LRP1B: variants seen among roughly 807,000 people sequenced by gnomAD.
The protein encoded by LRP1B is LDL receptor related protein 1B, also known as low-density lipoprotein receptor-related protein 1B.
A neutral mutation model predicts 556.6 loss-of-function variants in LRP1B; 217 were observed. The observed-to-expected ratio is 0.39, with a 90% CI of 0.35 to 0.44. LRP1B has a LOEUF of 0.44. Among genes scored for constraint, LRP1B ranks in the 20% least tolerant of loss-of-function variants. The pLI, the probability that LRP1B is intolerant of heterozygous loss-of-function variation, is 1.00. For synonymous variants in LRP1B, 2,047 were observed against 1,865.8 expected, an observed-to-expected ratio of 1.10 and a Z score of -2.50; for missense variants, 5,053 against 5,620.8, an observed-to-expected ratio of 0.90 and a Z score of 3.23.
Position 140,428,775 on chromosome 2 carries a change from G to A in LRP1B, c.10414+13729C>T, listed in dbSNP as rs557446923. Among the ~76,000 whole-genome samples the A allele has an allele frequency of 2.0e-5, 3 of 152,224 alleles. 1 individual carries two copies. Among genetic ancestry groups the A allele is most frequent in the Middle Eastern group, 6.8e-3 (2 of 294 alleles). On this transcript the variant is annotated intron_variant, in intron 66 of 90. Coordinates refer to ENST00000389484, the MANE Select transcript of LRP1B (RefSeq NM_018557.3). ...GCCTGTTTCCCTTGCCTCCATAACT[G>A]TTGTGCGTATTGACGGCCAGGCTTC...
At chr2:141,850,150 T>A (rs1186622546) in intron 1 of LRP1B, among the ~76,000 whole-genome samples, 1 of 151,790 alleles carries the variant, frequency 6.6e-6, no homozygotes, top group Non-Finnish European at 1.5e-5. Flanking sequence ...TAATTTTTCA[T>A]TATTAAACCC....
intron 6 of LRP1B, among the ~76,000 whole-genome samples, chr2:141,197,494 T>G (rs1389290226): frequency 6.6e-6 from 1 of 152,120 alleles, no homozygotes; most frequent in Non-Finnish European, 1.5e-5. Flanking sequence ...TTCAAAAGCA[T>G]TTTTTACTGT....
chr2:141,810,048 A>T (rs550592613), intron 2 of LRP1B, among the ~76,000 whole-genome samples: 115 of 151,534 alleles, frequency 7.6e-4, no homozygotes, highest in African/African-American at 2.1e-3. Context: ...CTCATATTTA[A>T]AAAAAAACAC....
At chr2:140,995,585 A>G (rs1018317729) in intron 15 of LRP1B, among the ~76,000 whole-genome samples, 4 of 152,032 alleles carry the variant, frequency 2.6e-5, no homozygotes, top group African/African-American at 9.7e-5. Context: ...CATATATGGC[A>G]AAGAATTTTA....
chr2:141,914,806 G>A (rs1478819095), intron 1 of LRP1B, among the ~76,000 whole-genome samples: 5 of 151,936 alleles, frequency 3.3e-5, no homozygotes, highest in South Asian at 2.1e-4. Context: ...AAGTGAAGAT[G>A]TCTACAAGAA....
chr2:140,661,240 A>T (rs1333130043), intron 41 of LRP1B, among the ~76,000 whole-genome samples: 2 of 152,142 alleles, frequency 1.3e-5, no homozygotes, highest in African/African-American at 4.8e-5. Flanking sequence ...CATGATAGGG[A>T]TATAAAATGA....
intron 2 of LRP1B, among the ~76,000 whole-genome samples, chr2:141,596,711 T>A (rs1488859593): frequency 1.3e-5 from 2 of 152,030 alleles, no homozygotes; most frequent in Non-Finnish European, 2.9e-5. Context: ...CTTAAGAGAC[T>A]TCAGTGCAAA....
chr2:140,994,023 G>A lies in LRP1B; in HGVS notation c.2616C>T (p.Asp872=), dbSNP rs13007735. 556,712 of 1,611,336 alleles carry A rather than the reference G, an allele frequency of 0.35. 102,643 individuals carry two copies. The highest frequency in any genetic ancestry group is 0.61 in the East Asian group (27,486 of 44,726). Residue 872 remains aspartate (D), a synonymous_variant, in exon 16 of 91, where the codon GAC becomes GAT. Transcript: ENST00000389484. Reference sequence around the variant, plus strand: ...AGTTTACTGAATCCTCATCGCTTCCGTCTAGGCAGTCATCGTCGCCATCAC... The same window carrying A: ...AGTTTACTGAATCCTCATCGCTTCCATCTAGGCAGTCATCGTCGCCATCAC... ...WKCDGDDDCL[D]GSDEDSVNCF... is the part of the protein sequence containing the mutation.
chr2:140,626,838 AAC>A (rs1380628399), intron 41 of LRP1B, among the ~76,000 whole-genome samples: 4 of 152,086 alleles, frequency 2.6e-5, no homozygotes, highest in Non-Finnish European at 5.9e-5. Context: ...AACTATGAAA[AAC>A]ACAATTTTTA....
At chr2:141,170,555 A>G (rs1292601817) in intron 7 of LRP1B, among the ~76,000 whole-genome samples, 1 of 152,080 alleles carries the variant, frequency 6.6e-6, no homozygotes, top group Non-Finnish European at 1.5e-5. Context: ...TGCCTCTCAA[A>G]TGCCAGTTTA....
chr2:142,026,318 T>A (rs984173979), intron 1 of LRP1B, among the ~76,000 whole-genome samples: 8 of 152,050 alleles, frequency 5.3e-5, no homozygotes, highest in African/African-American at 1.9e-4. Context: ...TCTCAGCTTA[T>A]ATGCATAACG....
chr2:140,419,956 TG>T (rs1248619312), intron 66 of LRP1B, among the ~76,000 whole-genome samples: 1 of 146,250 alleles, frequency 6.8e-6, no homozygotes, highest in Non-Finnish European at 1.5e-5. Context: ...TGCAGTGAGC[TG>T]AGATCATGCC....
chr2:140,793,245 C>T (rs1466556520), intron 32 of LRP1B, among the ~76,000 whole-genome samples: 1 of 151,890 alleles, frequency 6.6e-6, no homozygotes, highest in African/African-American at 2.4e-5. Flanking sequence ...ACTACATTAG[C>T]ATTAATGTTA....
chr2:141,960,102 G>T (rs923748208), intron 1 of LRP1B, among the ~76,000 whole-genome samples: 1 of 151,872 alleles, frequency 6.6e-6, no homozygotes, highest in African/African-American at 2.4e-5. Flanking sequence ...GTGTTGTAGG[G>T]CTTCATAAGA....
At chr2:140,673,496 C>G (rs1440180498) in intron 41 of LRP1B, among the ~76,000 whole-genome samples, 1 of 151,900 alleles carries the variant, frequency 6.6e-6, no homozygotes. Context: ...TTTTTTCCAC[C>G]ATGCTCTTTA....
chr2:141,218,505 C>T (rs966215814), intron 6 of LRP1B, among the ~76,000 whole-genome samples: 3 of 152,112 alleles, frequency 2.0e-5, no homozygotes, highest in Admixed American at 6.5e-5. Context: ...AGCTGGAAGC[C>T]ATTATCCTAA....
chr2:140,256,694 C>T (rs887896417), intron 86 of LRP1B, among the ~76,000 whole-genome samples: 32 of 151,392 alleles, frequency 2.1e-4, no homozygotes, highest in Non-Finnish European at 3.8e-4. Context: ...GTCTCAATCT[C>T]TTGACCTTGT....
intron 2 of LRP1B, among the ~76,000 whole-genome samples, chr2:141,529,163 G>A (rs915532459): frequency 6.6e-6 from 1 of 152,180 alleles, no homozygotes; most frequent in Non-Finnish European, 1.5e-5. Context: ...CCTAAGTACT[G>A]TGATAGAGAC....
At chr2:141,789,186 CT>C (rs1198082641) in intron 2 of LRP1B, among the ~76,000 whole-genome samples, 1 of 151,862 alleles carries the variant, frequency 6.6e-6, no homozygotes, top group African/African-American at 2.4e-5. Flanking sequence ...TAATATACGG[CT>C]TCTGGATAAG....
Sources: allele counts gnomAD v4.1 joint callset (sites outside exome capture counted in the v4.1 genomes callset), GRCh38; gene constraint gnomAD v4.1.1; transcripts MANE v1.5; gene names NCBI Gene and HGNC (gene_info 2026-07-23, HGNC 2026-07-21).